Variants in ZNF148 observed in about 807,000 individuals in gnomAD.
The protein encoded by ZNF148 is Beta-Enolase Repressor Factor-1.
A neutral mutation model predicts 67.7 loss-of-function variants in ZNF148; 7 were observed. That is an observed-to-expected ratio of 0.10 (90% confidence interval 0.06 to 0.19). ZNF148 has a LOEUF of 0.19. Among genes scored for constraint, ZNF148 ranks in the 10% least tolerant of loss-of-function variants. The pLI is 1.00. For missense variants in ZNF148, 583 were observed against 947.1 expected, an observed-to-expected ratio of 0.62 and a Z score of 5.05; for synonymous variants, 333 against 330.7, an observed-to-expected ratio of 1.01 and a Z score of -0.08.
chr3:125,310,863 G>C (rs1940171546), intron 4 of ZNF148: 1 of 204,588 alleles, frequency 4.9e-6, no homozygotes, highest in African/African-American at 2.3e-5. Flanking sequence ...TCTCTCCTCT[G>C]CTCGCATTTT....
At chr3:125,257,772 C>T (rs1937153581) in intron 7 of ZNF148, among the ~76,000 whole-genome samples, 1 of 152,040 alleles carries the variant, frequency 6.6e-6, no homozygotes, top group African/African-American at 2.4e-5. Flanking sequence ...TTCACCATGA[C>T]TTCATAAATC....
At chr3:125,311,002 G>A (rs1940181119) in intron 4 of ZNF148, 1 of 199,978 alleles carries the variant, frequency 5.0e-6, no homozygotes, top group South Asian at 1.0e-4. Context: ...CCTGACTCAG[G>A]GATCCACACA....
chr3:125,291,911 CA>C (rs1254354307), intron 4 of ZNF148, among the ~76,000 whole-genome samples: 1 of 152,072 alleles, frequency 6.6e-6, no homozygotes, highest in African/African-American at 2.4e-5. Flanking sequence ...CAAGTTAAAT[CA>C]AGGTGACTAA....
At chr3:125,234,370 G>T in intron 7 of ZNF148, 41 bp from the exon 8 acceptor site, 1 of 1,327,866 alleles carries the variant, frequency 7.5e-7, no homozygotes, top group Non-Finnish European at 1.1e-6. Context: ...AACAAATATT[G>T]TAAAATAATG....
At chr3:125,283,601 A>G (rs73859161) in intron 5 of ZNF148, among the ~76,000 whole-genome samples, 111 of 152,200 alleles carry the variant, frequency 7.3e-4, no homozygotes, top group African/African-American at 2.5e-3. Flanking sequence ...TATTTTGCCA[A>G]TCTTCTTCCT....
intron 3 of ZNF148, among the ~76,000 whole-genome samples, chr3:125,322,488 C>G (rs114861067): frequency 0.012 from 729 of 60,388 alleles, 5 homozygotes; most frequent in African/African-American, 0.058. Context: ...CTGGTTGTGA[C>G]GTGACAAAGA....
chr3:125,249,019 G>GA (rs770488099), intron 7 of ZNF148, among the ~76,000 whole-genome samples: 4 of 151,776 alleles, frequency 2.6e-5, no homozygotes, highest in Non-Finnish European at 4.4e-5. Flanking sequence ...CACCATACAC[G>GA]AAAAAACAAC....
chr3:125,369,565 A>G (rs1314687306), intron 1 of ZNF148, among the ~76,000 whole-genome samples: 1 of 151,924 alleles, frequency 6.6e-6, no homozygotes. Context: ...AGGTGTTCTA[A>G]AAACATTCTG....
At chr3:125,318,229 A>G (rs1264671372) in intron 3 of ZNF148, among the ~76,000 whole-genome samples, 1 of 152,170 alleles carries the variant, frequency 6.6e-6, no homozygotes, top group African/African-American at 2.4e-5. Context: ...CATGCTCAAA[A>G]GCTAACACAT....
At chr3:125,284,272 A>C (rs2107617663) in intron 5 of ZNF148, among the ~76,000 whole-genome samples, 1 of 152,298 alleles carries the variant, frequency 6.6e-6, no homozygotes, top group East Asian at 1.9e-4. Context: ...AGTGAATACC[A>C]AAGTCCAGTA....
chr3:125,306,125 T>G (rs1193231065), intron 4 of ZNF148, among the ~76,000 whole-genome samples: 1 of 152,152 alleles, frequency 6.6e-6, no homozygotes, highest in Non-Finnish European at 1.5e-5. Flanking sequence ...AGAAGTATCT[T>G]TAATTGAATT....
At chr3:125,295,993 A>C (rs2107639571) in intron 4 of ZNF148, among the ~76,000 whole-genome samples, 1 of 152,078 alleles carries the variant, frequency 6.6e-6, no homozygotes, top group Middle Eastern at 3.4e-3. Context: ...TTTCTATAAA[A>C]TATCTCTACG....
At chr3:125,321,717 T>A (rs924751560) in intron 3 of ZNF148, among the ~76,000 whole-genome samples, 1 of 152,120 alleles carries the variant, frequency 6.6e-6, no homozygotes, top group Non-Finnish European at 1.5e-5. Flanking sequence ...AATCTGACAT[T>A]CTGTTGGATC....
At chr3:125,240,662 G>GT (rs1936308968) in intron 7 of ZNF148, among the ~76,000 whole-genome samples, 1 of 151,626 alleles carries the variant, frequency 6.6e-6, no homozygotes, top group Non-Finnish European at 1.5e-5. Flanking sequence ...CTACTCAGAG[G>GT]TGCAGGCAGC....
intron 1 of ZNF148, among the ~76,000 whole-genome samples, chr3:125,337,919 T>C (rs1297292823): frequency 5.3e-5 from 8 of 151,360 alleles, no homozygotes; most frequent in African/African-American, 9.7e-5. Context: ...CTGGAGAACA[T>C]AGTGAGACCC....
chr3:125,241,935 A>G (rs1936383229), intron 7 of ZNF148, among the ~76,000 whole-genome samples: 1 of 152,212 alleles, frequency 6.6e-6, no homozygotes, highest in Non-Finnish European at 1.5e-5. Context: ...TGATGACTAC[A>G]TATCTAATAG....
chr3:125,262,730 T>C (rs1361881516), intron 7 of ZNF148, among the ~76,000 whole-genome samples: 1 of 152,222 alleles, frequency 6.6e-6, no homozygotes, highest in African/African-American at 2.4e-5. Flanking sequence ...TTCTAAGATA[T>C]TAAACTGCTA....
intron 7 of ZNF148, among the ~76,000 whole-genome samples, chr3:125,277,456 C>T (rs904423074): frequency 1.3e-5 from 2 of 152,126 alleles, no homozygotes; most frequent in African/African-American, 2.4e-5. Flanking sequence ...AAGGAAATAG[C>T]AATTTCAGAA....
intron 4 of ZNF148, among the ~76,000 whole-genome samples, chr3:125,300,125 C>A (rs1939508842): frequency 6.6e-6 from 1 of 152,096 alleles, no homozygotes; most frequent in Non-Finnish European, 1.5e-5. Context: ...GCGCCCACCA[C>A]CATGCCTGCC....
Sources: gnomAD v4.1 joint callset for allele counts (sites outside exome capture counted in the v4.1 genomes callset) on GRCh38, gnomAD v4.1.1 for gene constraint, MANE v1.5 for transcripts, NCBI Gene and HGNC (gene_info 2026-07-23, HGNC 2026-07-21) for gene names.